Variants in PARD3B observed in about 807,000 individuals in gnomAD.
PARD3B encodes the protein partitioning defective 3 homolog B.
In PARD3B, 103 loss-of-function variants were observed where a neutral mutation model predicts 130.2. That is an observed-to-expected ratio of 0.79 (90% CI 0.67 to 0.93). The LOEUF (loss-of-function observed/expected upper bound fraction) is 0.93, where lower values mean the gene tolerates loss of function less well. PARD3B is among the 40% of genes least tolerant of loss of function. The pLI is 0.00. For synonymous variants in PARD3B, 583 were observed against 553.2 expected, an observed-to-expected ratio of 1.05 and a Z score of -0.76; for missense variants, 1,609 against 1,499.2, an observed-to-expected ratio of 1.07 and a Z score of -1.21.
chr2:204,998,924 G>A (rs1559342739), intron 3 of PARD3B, among the ~76,000 whole-genome samples: 2 of 152,080 alleles, frequency 1.3e-5, no homozygotes, highest in East Asian at 1.9e-4. Context: ...GTGCTGGACA[G>A]GATGGTCTTG....
intron 1 of PARD3B, among the ~76,000 whole-genome samples, chr2:204,653,785 CAAAAA>C (rs35190366): frequency 5.6e-5 from 4 of 71,528 alleles, no homozygotes; most frequent in Admixed American, 1.5e-4. Flanking sequence ...GACTCTGTCT[CAAAAA>C]AAAAAAAAAA....
chr2:205,399,154 C>G (rs1029143588), intron 18 of PARD3B, among the ~76,000 whole-genome samples: 18 of 151,862 alleles, frequency 1.2e-4, no homozygotes, highest in African/African-American at 3.6e-4. Flanking sequence ...CCTGTAATCC[C>G]AGCTACTTGG....
intron 15 of PARD3B, among the ~76,000 whole-genome samples, chr2:205,207,964 C>T (rs2037410859): frequency 1.9e-5 from 2 of 105,962 alleles, no homozygotes; most frequent in Non-Finnish European, 3.7e-5. Flanking sequence ...ATGCAAAAAT[C>T]CTCAATAAAA....
intron 6 of PARD3B, among the ~76,000 whole-genome samples, chr2:205,115,886 A>T (rs1703986185): frequency 6.6e-6 from 1 of 152,006 alleles, no homozygotes; most frequent in South Asian, 2.1e-4. Context: ...TTTACATTTA[A>T]TTTTTTTACT....
chr2:205,339,297 G>T (rs2043429556), intron 18 of PARD3B, among the ~76,000 whole-genome samples: 1 of 152,148 alleles, frequency 6.6e-6, no homozygotes, highest in Admixed American at 6.5e-5. Flanking sequence ...CAGTGTTATT[G>T]TATCAAGATT....
intron 22 of PARD3B, among the ~76,000 whole-genome samples, chr2:205,603,536 G>A: frequency 6.6e-6 from 1 of 152,186 alleles, no homozygotes; most frequent in South Asian, 2.1e-4. Context: ...GGGTGCTCCT[G>A]TATTGGGTGC....
At chr2:204,940,960 C>T (rs1279552816) in intron 2 of PARD3B, among the ~76,000 whole-genome samples, 1 of 151,966 alleles carries the variant, frequency 6.6e-6, no homozygotes, top group Admixed American at 6.6e-5. Context: ...AGATGTACTA[C>T]AAAGAAATTC....
chr2:204,698,498 G>A (rs961927082), intron 2 of PARD3B, among the ~76,000 whole-genome samples: 36 of 151,788 alleles, frequency 2.4e-4, no homozygotes, highest in African/African-American at 8.0e-4. Flanking sequence ...CATTTGGTGC[G>A]AATTATATCT....
intron 2 of PARD3B, among the ~76,000 whole-genome samples, chr2:204,951,123 T>C (rs574340626): frequency 6.6e-6 from 1 of 152,336 alleles, no homozygotes; most frequent in East Asian, 1.9e-4. Context: ...CAACTTGCTA[T>C]GCACATGACC....
chr2:205,369,059 G>A (rs528189687), intron 18 of PARD3B, among the ~76,000 whole-genome samples: 1 of 152,176 alleles, frequency 6.6e-6, no homozygotes, highest in Admixed American at 6.5e-5. Flanking sequence ...CATATTTCAA[G>A]TATAGATACA....
intron 2 of PARD3B, among the ~76,000 whole-genome samples, chr2:204,863,492 G>A (rs2045294443): frequency 6.6e-6 from 1 of 152,142 alleles, no homozygotes; most frequent in Admixed American, 6.5e-5. Context: ...TCCCATAGAA[G>A]CAATATTTAA....
At chr2:204,771,986 T>G (rs1310803233) in intron 2 of PARD3B, among the ~76,000 whole-genome samples, 2 of 152,072 alleles carry the variant, frequency 1.3e-5, no homozygotes, top group East Asian at 1.9e-4. Context: ...TTGAATAGTT[T>G]CAAATCCTAA....
At chr2:205,375,819 G>T (rs1037161618) in intron 18 of PARD3B, among the ~76,000 whole-genome samples, 1 of 152,180 alleles carries the variant, frequency 6.6e-6, no homozygotes, top group African/African-American at 2.4e-5. Context: ...TTATTTTTAG[G>T]TAGTAGACTG....
intron 2 of PARD3B, among the ~76,000 whole-genome samples, chr2:204,912,984 C>T (rs2047299239): frequency 6.6e-6 from 1 of 152,100 alleles, no homozygotes; most frequent in Non-Finnish European, 1.5e-5. Context: ...GAATTCAGCC[C>T]ACTGATGGTA....
chr2:205,203,777 T>G (rs1248899311), intron 15 of PARD3B, among the ~76,000 whole-genome samples: 2 of 152,260 alleles, frequency 1.3e-5, no homozygotes, highest in Non-Finnish European at 2.9e-5. Context: ...GCAAAGTTCA[T>G]GAACTCATAC....
In PARD3B at chr2:204,898,833, A is replaced by G. The variant is rs533044784; in HGVS notation, c.223-66319A>G. Among the ~76,000 whole-genome samples the G allele has an allele frequency of 8.5e-5, 13 of 152,188 alleles. No homozygotes were observed. In the East Asian group the frequency reaches 2.5e-3, roughly 29 times the overall value. On this transcript the variant is annotated intron_variant, in intron 2 of 22. Transcript: ENST00000406610. ...GGATGCATATATATTTACAATTGTTATGTTCTCTTGCCGAATTGACCTCTT... is the reference window on the plus strand; with the variant it reads ...GGATGCATATATATTTACAATTGTTGTGTTCTCTTGCCGAATTGACCTCTT...
chr2:204,862,251 C>A (rs951228330), intron 2 of PARD3B, among the ~76,000 whole-genome samples: 4 of 152,164 alleles, frequency 2.6e-5, no homozygotes, highest in African/African-American at 9.7e-5. Flanking sequence ...CTCTGGGTCA[C>A]ACAAGCCAGG....
At chr2:205,410,336 G>A (rs849266) in intron 19 of PARD3B, among the ~76,000 whole-genome samples, 8,226 of 152,254 alleles carry the variant, frequency 0.054, 321 homozygotes, top group Admixed American at 0.098. Flanking sequence ...AGCATTTTCT[G>A]TGAAAGCTTT....
chr2:205,280,826 A>G lies in PARD3B; in HGVS notation c.2186-19704A>G, dbSNP rs550554044. ...GATGGGGAACAAACCAAATAAATAC[A>G]GTATTTTATGTTCTTTTAATTCAGG... On this transcript the variant is annotated intron_variant, in intron 16 of 22. Coordinates refer to ENST00000406610, the MANE Select transcript of PARD3B (RefSeq NM_001302769.2). This position sits in a 1 kb window ranked among gnomAD's most constrained non-coding sequence, Gnocchi z 4.7. 9.2e-5 allele frequency among the ~76,000 whole-genome samples: 14 copies of G among 152,352 alleles called. No individual in the cohort carries two copies. The South Asian group carries it at 2.7e-3, about 29-fold the overall frequency.
Sources: allele counts gnomAD v4.1 joint callset (sites outside exome capture counted in the v4.1 genomes callset), GRCh38; gene constraint gnomAD v4.1.1; non-coding constraint Gnocchi (gnomAD v3.1); transcripts MANE v1.5; gene names NCBI Gene and HGNC (gene_info 2026-07-23, HGNC 2026-07-21).